ST6GALNAC3: variants seen among roughly 807,000 people sequenced by gnomAD.
ST6GALNAC3 encodes alpha-N-acetylgalactosaminide alpha-2,6-sialyltransferase 3.
A neutral mutation model predicts 32.7 loss-of-function variants in ST6GALNAC3; 25 were observed. That is an observed-to-expected ratio of 0.76 (90% CI 0.56 to 1.07). The LOEUF (loss-of-function observed/expected upper bound fraction) is 1.07. ST6GALNAC3 is among the 50% of genes least tolerant of loss of function. The pLI is 0.00. For synonymous variants in ST6GALNAC3, 129 were observed against 133.1 expected (o/e 0.97, Z 0.21); for missense variants, 355 against 382.4 (o/e 0.93, Z 0.60).
At chr1:76,531,299 C>T (rs755471335) in intron 3 of ST6GALNAC3, among the ~76,000 whole-genome samples, 13 of 152,186 alleles carry the variant, frequency 8.5e-5, no homozygotes, top group Admixed American at 3.3e-4. Flanking sequence ...GGAATAACTT[C>T]TAAATGCAAA....
At chr1:76,634,899 C>G (rs1274477365), downstream of ST6GALNAC3, among the ~76,000 whole-genome samples, 3 of 42,708 alleles carry the variant, frequency 7.0e-5, 1 homozygote, top group Non-Finnish European at 1.3e-4. Context: ...CGGGGTTTCA[C>G]CGTTTTAGCC....
intron 1 of ST6GALNAC3, among the ~76,000 whole-genome samples, chr1:76,240,834 C>T (rs2100665530): frequency 6.6e-6 from 1 of 152,280 alleles, no homozygotes; most frequent in Middle Eastern, 3.4e-3. Flanking sequence ...TACCTTAATA[C>T]CCATTTTTAT....
intron 3 of ST6GALNAC3, among the ~76,000 whole-genome samples, chr1:76,471,909 A>T (rs1394200135): frequency 6.6e-6 from 1 of 151,668 alleles, no homozygotes; most frequent in Non-Finnish European, 1.5e-5. Context: ...GCAATTGCAA[A>T]TGCCTATGCT....
intron 3 of ST6GALNAC3, among the ~76,000 whole-genome samples, chr1:76,536,524 TC>T (rs1663610070): frequency 2.0e-5 from 3 of 151,794 alleles, no homozygotes; most frequent in Admixed American, 2.0e-4. Flanking sequence ...GTTGGAAACC[TC>T]CCCCATGATT....
At chr1:76,501,755 A>T (rs1453672854) in intron 3 of ST6GALNAC3, among the ~76,000 whole-genome samples, 2 of 152,234 alleles carry the variant, frequency 1.3e-5, no homozygotes, top group East Asian at 3.9e-4. Context: ...TAATGAGTGC[A>T]CAGTATGAAG....
intron 1 of ST6GALNAC3, among the ~76,000 whole-genome samples, chr1:76,112,059 G>C (rs1402773113): frequency 6.7e-6 from 1 of 148,584 alleles, no homozygotes; most frequent in Non-Finnish European, 1.5e-5. Flanking sequence ...AGGCTGGCCG[G>C]GCTGGGGGCT....
At chr1:76,209,889 C>T (rs1466409448) in intron 1 of ST6GALNAC3, among the ~76,000 whole-genome samples, 1 of 151,814 alleles carries the variant, frequency 6.6e-6, no homozygotes, top group Non-Finnish European at 1.5e-5. Flanking sequence ...TATTTTGGCT[C>T]CTGGCTTTGA....
chr1:76,565,864 GAAGA>G (rs1241054016), intron 3 of ST6GALNAC3, among the ~76,000 whole-genome samples: 5 of 152,154 alleles, frequency 3.3e-5, no homozygotes, highest in African/African-American at 1.2e-4. Context: ...AAATTCAGGA[GAAGA>G]AAGTACATTC....
chr1:76,301,849 T>TC (rs1660744260), intron 1 of ST6GALNAC3, among the ~76,000 whole-genome samples: 1 of 151,232 alleles, frequency 6.6e-6, no homozygotes, highest in Non-Finnish European at 1.5e-5. Flanking sequence ...TTTTTTTTTT[T>TC]CCACAGGTGC....
At chr1:76,392,128 T>C (rs1173800506) in intron 2 of ST6GALNAC3, among the ~76,000 whole-genome samples, 3 of 152,184 alleles carry the variant, frequency 2.0e-5, no homozygotes, top group Non-Finnish European at 4.4e-5. Context: ...TATCCCCCAA[T>C]TGTAACAATT....
intron 1 of ST6GALNAC3, among the ~76,000 whole-genome samples, chr1:76,229,780 C>A (rs1402125548): frequency 2.0e-5 from 3 of 152,102 alleles, no homozygotes; most frequent in Admixed American, 2.0e-4. Context: ...ACTTGCTGTT[C>A]CACGTGTGGA....
At chr1:76,292,852 CA>C (rs1180708369) in intron 1 of ST6GALNAC3, among the ~76,000 whole-genome samples, 2 of 152,194 alleles carry the variant, frequency 1.3e-5, no homozygotes, top group African/African-American at 4.8e-5. Flanking sequence ...TATATAAAAC[CA>C]AAATTATTGT....
At chr1:76,533,188 G>A (rs918373833) in intron 3 of ST6GALNAC3, among the ~76,000 whole-genome samples, 1 of 152,108 alleles carries the variant, frequency 6.6e-6, no homozygotes, top group South Asian at 2.1e-4. Context: ...CTAAGCGAGT[G>A]ACCCACTTAA....
intron 1 of ST6GALNAC3, among the ~76,000 whole-genome samples, chr1:76,153,812 C>T (rs1557657971): frequency 6.6e-6 from 1 of 152,118 alleles, no homozygotes; most frequent in South Asian, 2.1e-4. Flanking sequence ...GCCTCTGAGC[C>T]CCTTCCCTTC....
At chr1:76,393,582 G>A (rs1258082751) in intron 2 of ST6GALNAC3, among the ~76,000 whole-genome samples, 1 of 152,156 alleles carries the variant, frequency 6.6e-6, no homozygotes, top group Non-Finnish European at 1.5e-5. Context: ...AGTATATGAT[G>A]TGTACACATT....
intron 1 of ST6GALNAC3, among the ~76,000 whole-genome samples, chr1:76,198,260 G>T (rs66498881): frequency 6.6e-6 from 1 of 151,996 alleles, no homozygotes; most frequent in African/African-American, 2.4e-5. Flanking sequence ...GGTCTCAAAC[G>T]CTTGAGCTCA....
chr1:76,566,841 G>A (rs1665583456), intron 3 of ST6GALNAC3, among the ~76,000 whole-genome samples: 1 of 152,142 alleles, frequency 6.6e-6, no homozygotes, highest in Non-Finnish European at 1.5e-5. Context: ...TCAGCACCTA[G>A]AATAATACCT....
At chr1:76,261,150 C>T (rs948339741) in intron 1 of ST6GALNAC3, among the ~76,000 whole-genome samples, 2 of 152,094 alleles carry the variant, frequency 1.3e-5, no homozygotes, top group African/African-American at 4.8e-5. Flanking sequence ...TCATGATGCA[C>T]AGTAGGCCAC....
At chr1:76,477,324 C>T in intron 3 of ST6GALNAC3, among the ~76,000 whole-genome samples, 1 of 152,068 alleles carries the variant, frequency 6.6e-6, no homozygotes, top group East Asian at 1.9e-4. Flanking sequence ...TGACCACATT[C>T]TTAATGCCCT....
Sources: gnomAD v4.1 joint callset for allele counts (sites outside exome capture counted in the v4.1 genomes callset) on GRCh38, gnomAD v4.1.1 for gene constraint, MANE v1.5 for transcripts, NCBI Gene and HGNC (gene_info 2026-07-23, HGNC 2026-07-21) for gene names.